THEMIS: variants seen among roughly 807,000 people sequenced by gnomAD.
THEMIS encodes thymocyte selection associated, also known as protein THEMIS.
THEMIS carries 37 observed loss-of-function variants against 52.6 expected under a neutral mutation model. That is an observed-to-expected ratio of 0.70 (90% CI 0.54 to 0.93). The LOEUF (loss-of-function observed/expected upper bound fraction) is 0.93, where lower values mean the gene tolerates loss of function less well. Ranked by LOEUF, THEMIS falls within the 40% of genes least tolerant of loss-of-function variation. THEMIS has a pLI of 0.00. For synonymous variants in THEMIS, 292 were observed against 272.7 expected (o/e 1.07, Z -0.70); for missense variants, 808 against 763.1 (o/e 1.06, Z -0.69).
intron 1 of THEMIS, among the ~76,000 whole-genome samples, chr6:127,884,333 A>G (rs1780579263): frequency 6.6e-6 from 1 of 152,118 alleles, no homozygotes; most frequent in Admixed American, 6.5e-5. Flanking sequence ...GTCAGCCCTG[A>G]CAACTCTACC....
Position 127,708,245 on chromosome 6 carries a change from G to T in THEMIS, c.*1740C>A, listed in dbSNP as rs1049799305. 2 of 152,032 alleles carry T rather than the reference G, an allele frequency of 1.3e-5. No individual in the cohort carries two copies. The highest frequency in any genetic ancestry group is 6.6e-5 in the Admixed American group (1 of 15,246). The allele number at this position is 152,032 out of a possible 1,614,324, so 9.4% of individuals were successfully genotyped here. On this transcript the variant is annotated 3_prime_UTR_variant, in exon 6 of 6. Transcript: ENST00000368248. ...TTCAACCTTCCCAAATCTCCAATAG[G>T]TGAGCATGAAGTTTATTACACTTTT... is the stretch of plus-strand genomic sequence containing the variant.
intron 4 of THEMIS, among the ~76,000 whole-genome samples, chr6:127,789,112 A>G (rs1321901106): frequency 1.3e-5 from 2 of 152,152 alleles, no homozygotes; most frequent in Non-Finnish European, 2.9e-5. Context: ...GAAAAGATTA[A>G]CAAAATAGAT....
At chr6:127,810,705 C>T (rs1032130918) in intron 4 of THEMIS, among the ~76,000 whole-genome samples, 48 of 152,202 alleles carry the variant, frequency 3.2e-4, no homozygotes, top group African/African-American at 1.1e-3. Flanking sequence ...AGATACCCTC[C>T]AATCGTGCCT....
chr6:127,755,607 C>A (rs771647179), intron 4 of THEMIS, among the ~76,000 whole-genome samples: 1 of 152,164 alleles, frequency 6.6e-6, no homozygotes, highest in Non-Finnish European at 1.5e-5. Context: ...GCAACATTCT[C>A]ATTCTCCATA....
intron 4 of THEMIS, among the ~76,000 whole-genome samples, chr6:127,738,042 A>G (rs1173462481): frequency 6.6e-6 from 1 of 152,112 alleles, no homozygotes; most frequent in African/African-American, 2.4e-5. Flanking sequence ...GTTTTGTTCT[A>G]CTTATAACTA....
intron 1 of THEMIS, among the ~76,000 whole-genome samples, chr6:127,861,801 A>AAAAG (rs1779809975): frequency 2.7e-5 from 3 of 109,102 alleles, no homozygotes; most frequent in African/African-American, 6.8e-5. Context: ...AAAAAAAAAA[A>AAAAG]AAAAGAAAAG....
intron 4 of THEMIS, among the ~76,000 whole-genome samples, chr6:127,806,713 A>T (rs1414823095): frequency 1.3e-5 from 2 of 152,232 alleles, no homozygotes; most frequent in Non-Finnish European, 2.9e-5. Context: ...ATACCAACTC[A>T]GCTATCCAGA....
intron 1 of THEMIS, among the ~76,000 whole-genome samples, chr6:127,914,288 C>T (rs916822628): frequency 1.3e-5 from 2 of 152,102 alleles, no homozygotes; most frequent in Non-Finnish European, 2.9e-5. Context: ...ACCTGTATTG[C>T]TCTCCTGGAA....
intron 4 of THEMIS, among the ~76,000 whole-genome samples, chr6:127,748,988 A>G (rs1490528800): frequency 6.6e-6 from 1 of 152,074 alleles, no homozygotes; most frequent in Non-Finnish European, 1.5e-5. Flanking sequence ...AACTCACAGT[A>G]TATCTATAAA....
chr6:127,737,035 A>T (rs1053173167), intron 4 of THEMIS, among the ~76,000 whole-genome samples: 2 of 152,262 alleles, frequency 1.3e-5, no homozygotes, highest in South Asian at 4.1e-4. Flanking sequence ...GTTGCCTTTA[A>T]AGTTAGACTG....
At chr6:127,770,892 C>T (rs1776362157) in intron 4 of THEMIS, among the ~76,000 whole-genome samples, 1 of 152,106 alleles carries the variant, frequency 6.6e-6, no homozygotes, top group Non-Finnish European at 1.5e-5. Flanking sequence ...TTCTCTATTG[C>T]TTGTTTTTGT....
At chr6:127,749,404 C>T (rs987820854) in intron 4 of THEMIS, among the ~76,000 whole-genome samples, 3 of 151,924 alleles carry the variant, frequency 2.0e-5, no homozygotes, top group Non-Finnish European at 4.4e-5. Context: ...TTCATGAAAC[C>T]AGATATGAAG....
chr6:127,829,327 G>A (rs1039020484), intron 3 of THEMIS, 149 bp downstream of exon 3: 1 of 638,062 alleles, frequency 1.6e-6, no homozygotes, highest in African/African-American at 1.8e-5. Context: ...CAAATATATG[G>A]TTTGCTTATT....
At chr6:127,899,328 T>C (rs1334923736) in intron 1 of THEMIS, among the ~76,000 whole-genome samples, 2 of 151,928 alleles carry the variant, frequency 1.3e-5, no homozygotes, top group Admixed American at 1.3e-4. Context: ...GGGATTGGTC[T>C]ATACATCATT....
At chr6:127,729,678 T>A (rs1178467741) in intron 4 of THEMIS, among the ~76,000 whole-genome samples, 1 of 152,172 alleles carries the variant, frequency 6.6e-6, no homozygotes, top group Non-Finnish European at 1.5e-5. Flanking sequence ...TCTCCGACTC[T>A]CCTCTTCCAT....
At chr6:127,910,357 T>A (rs1447083096) in intron 1 of THEMIS, among the ~76,000 whole-genome samples, 1 of 152,162 alleles carries the variant, frequency 6.6e-6, no homozygotes, top group Non-Finnish European at 1.5e-5. Context: ...AGGAATTACA[T>A]ATTTATCTTT....
intron 4 of THEMIS, among the ~76,000 whole-genome samples, chr6:127,796,908 T>G (rs569432730): frequency 6.6e-6 from 1 of 152,354 alleles, no homozygotes; most frequent in African/African-American, 2.4e-5. Context: ...TTATTCTAAC[T>G]CTGCATAAAA....
At chr6:127,713,973 C>G (rs760361704) in intron 5 of THEMIS, among the ~76,000 whole-genome samples, 26 of 151,836 alleles carry the variant, frequency 1.7e-4, no homozygotes, top group Non-Finnish European at 3.5e-4. Context: ...AGATGAGAGA[C>G]AGTGGTTGAT....
At chr6:127,793,884 C>T (rs761069323) in intron 4 of THEMIS, among the ~76,000 whole-genome samples, 3 of 152,118 alleles carry the variant, frequency 2.0e-5, no homozygotes, top group Non-Finnish European at 2.9e-5. Flanking sequence ...AGAGCCAGGG[C>T]GAGAACCATA....
Sources: allele counts gnomAD v4.1 joint callset (sites outside exome capture counted in the v4.1 genomes callset), GRCh38; gene constraint gnomAD v4.1.1; transcripts MANE v1.5; gene names NCBI Gene and HGNC (gene_info 2026-07-23, HGNC 2026-07-21).